The following NKAIN3 variants were observed in gnomAD, a reference collection of about 807,000 sequenced individuals.
The protein encoded by NKAIN3 is sodium/potassium-transporting ATPase subunit beta-1-interacting protein 3.
A neutral mutation model predicts 30.2 loss-of-function variants in NKAIN3; 25 were observed. That is an observed-to-expected ratio of 0.83 (90% CI 0.60 to 1.16). NKAIN3 has a LOEUF of 1.16. Ranked by LOEUF, NKAIN3 falls within the 50% of genes most tolerant of loss-of-function variation. NKAIN3 has a pLI of 0.00. For missense variants in NKAIN3, 225 were observed against 254.1 expected, an observed-to-expected ratio of 0.89 and a Z score of 0.78; for synonymous variants, 91 against 89.6, an observed-to-expected ratio of 1.02 and a Z score of -0.09.
At chr8:62,739,948 G>A (rs529351655) in intron 3 of NKAIN3, among the ~76,000 whole-genome samples, 3 of 152,142 alleles carry the variant, frequency 2.0e-5, no homozygotes, top group Non-Finnish European at 4.4e-5. Context: ...GGACATGACA[G>A]ACACTCCTAA....
At chr8:62,345,332 TA>T (rs1815904611) in intron 1 of NKAIN3, among the ~76,000 whole-genome samples, 1 of 14,590 alleles carries the variant, frequency 6.9e-5, no homozygotes, top group Non-Finnish European at 3.1e-4. Flanking sequence ...TATACACATA[TA>T]TGTATATATA....
Position 62,978,547 on chromosome 8 carries a change from A to G in NKAIN3, c.*13140A>G, listed in dbSNP as rs1823996774. The G allele has an allele frequency of 6.6e-6, 1 of 152,236 alleles. No homozygotes were observed. The highest frequency in any genetic ancestry group is 6.5e-5 in the Admixed American group (1 of 15,284). The allele number at this position is 152,236 out of a possible 1,614,324, so 9.4% of individuals were successfully genotyped here. ...AAAACTGCCTACTCAAGCCTCAGTA[A>G]TGGCAGATACCTCTCCCCCAACCAA... On this transcript the variant is annotated 3_prime_UTR_variant, in exon 7 of 7. Transcript: ENST00000623646.
At chr8:62,269,915 C>G (rs868242539) in intron 1 of NKAIN3, among the ~76,000 whole-genome samples, 43 of 152,208 alleles carry the variant, frequency 2.8e-4, no homozygotes, top group Admixed American at 2.2e-3. Flanking sequence ...TCTATCTATT[C>G]TCTAAAAATT....
rs1421262525 is a variant in NKAIN3 at position 62,345,388 on chromosome 8, T to C, written c.54+96261T>C. ...GTATATATACACATATATGTATATA[T>C]ACACACATATACACATATATGTATA... On this transcript the variant is annotated intron_variant, in intron 1 of 6. Transcript: ENST00000623646. Among the ~76,000 whole-genome samples the C allele has an allele frequency of 1.2e-4, 9 of 76,328 alleles. No individual in the cohort carries two copies. The South Asian group carries it at 2.4e-3, about 21-fold the overall frequency. 50.1% of individuals were successfully genotyped at this position (76,328 alleles called of 152,430 possible).
At chr8:62,835,744 A>G (rs1024434865) in intron 4 of NKAIN3, among the ~76,000 whole-genome samples, 1 of 152,130 alleles carries the variant, frequency 6.6e-6, no homozygotes, top group Non-Finnish European at 1.5e-5. Flanking sequence ...TGCTGGTGGG[A>G]ATATAAATTA....
chr8:62,380,681 A>G (rs1022809689), intron 1 of NKAIN3, among the ~76,000 whole-genome samples: 3 of 152,230 alleles, frequency 2.0e-5, no homozygotes, highest in African/African-American at 7.2e-5. Context: ...CTCCCATGTC[A>G]ACCTTCGAGT....
At chr8:62,508,031 G>A (rs1807696706) in intron 1 of NKAIN3, among the ~76,000 whole-genome samples, 1 of 152,202 alleles carries the variant, frequency 6.6e-6, no homozygotes, top group Non-Finnish European at 1.5e-5. Context: ...CAAAGGTAGT[G>A]ATTGGGCTTT....
chr8:62,836,772 A>C (rs1231117556), intron 4 of NKAIN3, among the ~76,000 whole-genome samples: 1 of 152,152 alleles, frequency 6.6e-6, no homozygotes, highest in African/African-American at 2.4e-5. Context: ...TCCATGCTGG[A>C]GATGACTTTG....
chr8:62,625,597 T>A (rs1811765172), intron 3 of NKAIN3, among the ~76,000 whole-genome samples: 1 of 152,118 alleles, frequency 6.6e-6, no homozygotes, highest in Admixed American at 6.6e-5. Flanking sequence ...ACAATAATAG[T>A]CCCTGCCTCA....
chr8:62,423,483 C>T (rs1432948966), intron 1 of NKAIN3, among the ~76,000 whole-genome samples: 2 of 150,714 alleles, frequency 1.3e-5, no homozygotes, highest in African/African-American at 2.4e-5. Context: ...CATATACATA[C>T]ACACACACTG....
intron 1 of NKAIN3, among the ~76,000 whole-genome samples, chr8:62,533,348 G>A (rs1286403217): frequency 6.6e-6 from 1 of 152,162 alleles, no homozygotes; most frequent in Non-Finnish European, 1.5e-5. Flanking sequence ...TTATAGAATG[G>A]CCCAGCTGCA....
intron 1 of NKAIN3, among the ~76,000 whole-genome samples, chr8:62,326,799 CT>C (rs1210247431): frequency 6.6e-6 from 1 of 151,856 alleles, no homozygotes; most frequent in Non-Finnish European, 1.5e-5. Context: ...ACTTTCAATT[CT>C]TTTGGGTATA....
At chr8:62,716,831 C>T (rs1028643818) in intron 3 of NKAIN3, among the ~76,000 whole-genome samples, 2 of 152,012 alleles carry the variant, frequency 1.3e-5, no homozygotes. Context: ...GCCATGGTAG[C>T]TCACATCTAT....
At chr8:62,586,597 A>C (rs149584990) in intron 2 of NKAIN3, among the ~76,000 whole-genome samples, 2,599 of 152,252 alleles carry the variant, frequency 0.017, 74 homozygotes, top group African/African-American at 0.059. Context: ...TGATGTGTAT[A>C]TGAAAGAATG....
chr8:62,990,399 G>T (rs1824298811), intron 5 of NKAIN3: 2 of 1,185,252 alleles, frequency 1.7e-6, no homozygotes, highest in East Asian at 3.4e-5. Flanking sequence ...AAAAGCATAG[G>T]TTTTTTTTTA....
chr8:62,388,053 G>A (rs1817481768), intron 1 of NKAIN3, among the ~76,000 whole-genome samples: 1 of 152,180 alleles, frequency 6.6e-6, no homozygotes, highest in African/African-American at 2.4e-5. Context: ...ACATTGTGGA[G>A]TGTAACTGGC....
intron 1 of NKAIN3, among the ~76,000 whole-genome samples, chr8:62,510,593 A>G (rs1245697158): frequency 6.6e-6 from 1 of 152,172 alleles, no homozygotes; most frequent in Non-Finnish European, 1.5e-5. Flanking sequence ...ACAAAAGGAA[A>G]GATGAGAAAG....
At chr8:62,657,152 T>C (rs1387282650) in intron 3 of NKAIN3, among the ~76,000 whole-genome samples, 1 of 152,242 alleles carries the variant, frequency 6.6e-6, no homozygotes, top group African/African-American at 2.4e-5. Context: ...TATGGAATTC[T>C]ACCTTGCAAA....
intron 4 of NKAIN3, among the ~76,000 whole-genome samples, chr8:62,867,687 G>T (rs141606375): frequency 4.6e-5 from 7 of 152,168 alleles, no homozygotes; most frequent in Admixed American, 3.3e-4. Flanking sequence ...ATACTAAAAC[G>T]CACTGCCCAG....
Sources: allele counts gnomAD v4.1 joint callset (sites outside exome capture counted in the v4.1 genomes callset), GRCh38; gene constraint gnomAD v4.1.1; transcripts MANE v1.5; gene names NCBI Gene and HGNC (gene_info 2026-07-23, HGNC 2026-07-21).